Variants in POMGNT2 observed in about 807,000 individuals in gnomAD.
POMGNT2 encodes protein O-linked-mannose beta-1,4-N-acetylglucosaminyltransferase 2.
A neutral mutation model predicts 37.8 loss-of-function variants in POMGNT2; 32 were observed. That is an observed-to-expected ratio of 0.85 (90% CI 0.64 to 1.14). The LOEUF is 1.14. Ranked by LOEUF, POMGNT2 falls within the 50% of genes most tolerant of loss-of-function variation. The pLI, the probability that POMGNT2 is intolerant of heterozygous loss-of-function variation, is 0.00. For synonymous variants in POMGNT2, 340 were observed against 336.8 expected (o/e 1.01, Z -0.10); for missense variants, 705 against 780.6 (o/e 0.90, Z 1.15).
chr3:43,101,214 C>A (rs570577848), intron 1 of POMGNT2, among the ~76,000 whole-genome samples: 1 of 152,300 alleles, frequency 6.6e-6, no homozygotes, highest in South Asian at 2.1e-4. Flanking sequence ...TCTGTCCTGC[C>A]CAGCACAGCT....
At position 43,098,330 on chromosome 3, in the gene POMGNT2, T is replaced by C. The variant is rs762152568; in HGVS notation, c.-106+7506A>G. 1.3e-5 allele frequency among the ~76,000 whole-genome samples: 2 copies of C among 152,236 alleles called. No homozygotes were observed. The highest frequency in any genetic ancestry group is 6.5e-5 in the Admixed American group (1 of 15,282). On this transcript the variant is annotated intron_variant, in intron 1 of 1. Coordinates refer to ENST00000344697, the MANE Select transcript of POMGNT2 (RefSeq NM_032806.6). This position sits in a 1 kb window ranked among gnomAD's most constrained non-coding sequence, Gnocchi z 4.3. Reference sequence around the variant, plus strand: ...AACATGTTTCACTAACTCAAGCTTATCCTCAGAATGATCTCTTTCCCCCTC... The same window carrying C: ...AACATGTTTCACTAACTCAAGCTTACCCTCAGAATGATCTCTTTCCCCCTC...
intron 1 of POMGNT2, among the ~76,000 whole-genome samples, chr3:43,099,650 G>A (rs918120377): frequency 6.6e-6 from 1 of 152,100 alleles, no homozygotes; most frequent in African/African-American, 2.4e-5. Context: ...CAGGAGACCT[G>A]GGTTTCAACA....
At position 43,079,486 on chromosome 3, in the gene POMGNT2, G is replaced by C. The variant is rs931844199; in HGVS notation, c.*203C>G. 7.4e-6 allele frequency: 4 copies of C among 543,612 alleles called. No homozygotes were observed. The highest frequency in any genetic ancestry group is 7.1e-5 in the Admixed American group (2 of 28,276). The allele number at this position is 543,612 out of a possible 1,614,324, so 33.7% of individuals were successfully genotyped here. A position where few individuals can be genotyped will look rare whatever the true frequency, so the allele number is the denominator to read the frequency against. On this transcript the variant is annotated 3_prime_UTR_variant, in exon 2 of 2. Transcript: ENST00000344697. The stretch of plus-strand genomic sequence containing the variant: ...ACTTCTCCAGGGGTACAAATGTTCA[G>C]GATGGGAGAAGGGGAAGTCAGGTCC...
At chr3:43,104,836 G>A (rs955558350) in intron 1 of POMGNT2, among the ~76,000 whole-genome samples, 2 of 152,136 alleles carry the variant, frequency 1.3e-5, no homozygotes, top group African/African-American at 4.8e-5. Flanking sequence ...CTGCAACCCC[G>A]TGATAAAGGC....
intron 1 of POMGNT2, among the ~76,000 whole-genome samples, chr3:43,094,426 A>G (rs2089964988): frequency 6.6e-6 from 1 of 152,230 alleles, no homozygotes; most frequent in Non-Finnish European, 1.5e-5. Context: ...ACCAATTTTC[A>G]CTGCTGTGGG....
intron 1 of POMGNT2, among the ~76,000 whole-genome samples, chr3:43,092,426 T>C (rs2125707960): frequency 6.6e-6 from 1 of 152,148 alleles, no homozygotes. Context: ...GCCTCCCAAA[T>C]AGCTAGGAGT....
Position 43,081,602 on chromosome 3 carries a change from G to A in POMGNT2, c.-105-66C>T, listed in dbSNP as rs1470194799. The A allele has an allele frequency of 9.4e-6, 6 of 639,978 alleles. No homozygotes were observed. The East Asian group carries it at 1.7e-4, about 18-fold the overall frequency. 39.6% of individuals were successfully genotyped at this position (639,978 alleles called of 1,614,324 possible). ...CTTCCTGGCATCATTACAAGCTCCT[G>A]CTATGTGCCAGGCACGGTAGCTAGG... On this transcript the variant is annotated intron_variant, in intron 1 of 1. Transcript: ENST00000344697.
In POMGNT2 at chr3:43,098,543, A is replaced by T. The variant is rs2089995593; in HGVS notation, c.-106+7293T>A. Among the ~76,000 whole-genome samples, 1 of 152,242 alleles carries T rather than the reference A, an allele frequency of 6.6e-6. No individual in the cohort carries two copies. The highest frequency in any genetic ancestry group is 1.5e-5 in the Non-Finnish European group (1 of 68,052). Reference sequence around the variant, plus strand: ...GTCTGAGTGGTTCTTGTAAAACTTAACACATTTAATTATCAAGGCATATTT... The same window carrying T: ...GTCTGAGTGGTTCTTGTAAAACTTATCACATTTAATTATCAAGGCATATTT... On this transcript the variant is annotated intron_variant, in intron 1 of 1. Coordinates refer to ENST00000344697, the MANE Select transcript of POMGNT2 (RefSeq NM_032806.6). This position sits in a 1 kb window ranked among gnomAD's most constrained non-coding sequence, Gnocchi z 4.3.
chr3:43,104,206 G>A (rs1305445136), intron 1 of POMGNT2, among the ~76,000 whole-genome samples: 1 of 152,168 alleles, frequency 6.6e-6, no homozygotes, highest in East Asian at 1.9e-4. Flanking sequence ...GATGACATTT[G>A]CAGGTTCCAC....
chr3:43,090,507 G>A (rs1263079962), intron 1 of POMGNT2: 2 of 152,104 alleles, frequency 1.3e-5, no homozygotes, highest in Admixed American at 6.5e-5. Flanking sequence ...ACCATGGTAT[G>A]GACAGTTCTT....
In POMGNT2 at chr3:43,080,867, C is replaced by T; in HGVS notation, c.565G>A (p.Ala189Thr). 6.2e-7 allele frequency: 1 copy of T among 1,614,126 alleles called. No homozygotes were observed. The highest frequency in any genetic ancestry group is 8.5e-7 in the Non-Finnish European group (1 of 1,180,020). ...CAGCCCTCCATGAAGAAGAGCCGTGCCTCGTGGGCCAGGCCGGGAAACTGC... is the reference window on the plus strand; with the variant it reads ...CAGCCCTCCATGAAGAAGAGCCGTGTCTCGTGGGCCAGGCCGGGAAACTGC... ...LRQFPGLAHE[A>T]RLFFMEGWGE... The change falls in exon 2 of 2, where the codon GCA (alanine) becomes ACA (threonine). Residue 189 changes from alanine to threonine, a missense_variant. Transcript: ENST00000344697.
Position 43,104,674 on chromosome 3 carries a change from C to T in POMGNT2, c.-106+1162G>A, listed in dbSNP as rs557758588. Among the ~76,000 whole-genome samples the T allele has an allele frequency of 3.3e-4, 50 of 152,260 alleles. No individual in the cohort carries two copies. In the South Asian group the frequency reaches 8.9e-3, roughly 27 times the overall value. Reference sequence around the variant, plus strand: ...GAAGATCTGCAAGATTCATGAGAGCCAGAGAGGGCAGCTAGTACCATTAAA... The same window carrying T: ...GAAGATCTGCAAGATTCATGAGAGCTAGAGAGGGCAGCTAGTACCATTAAA... On this transcript the variant is annotated intron_variant, in intron 1 of 1. Transcript: ENST00000344697.
intron 1 of POMGNT2, among the ~76,000 whole-genome samples, chr3:43,093,735 T>C (rs1204292691): frequency 6.6e-6 from 1 of 152,162 alleles, no homozygotes. Flanking sequence ...GGTTCCCCAG[T>C]GGGATTAAGT....
intron 1 of POMGNT2, among the ~76,000 whole-genome samples, chr3:43,084,098 T>C (rs1477963653): frequency 2.6e-5 from 4 of 152,180 alleles, no homozygotes; most frequent in Non-Finnish European, 4.4e-5. Context: ...ACCCTTCGAA[T>C]TGTTTTTCCC....
intron 1 of POMGNT2, among the ~76,000 whole-genome samples, chr3:43,087,298 A>G (rs2089904972): frequency 6.6e-6 from 1 of 152,244 alleles, no homozygotes. Flanking sequence ...TTCATTTGAA[A>G]AAGGGGTTCT....
intron 1 of POMGNT2, among the ~76,000 whole-genome samples, chr3:43,095,670 G>T (rs2089974785): frequency 6.6e-6 from 1 of 152,196 alleles, no homozygotes; most frequent in African/African-American, 2.4e-5. Context: ...TGAGGAGGTT[G>T]AGTGACTTGC....
At chr3:43,083,698 C>T (rs11719573) in intron 1 of POMGNT2, among the ~76,000 whole-genome samples, 25,187 of 152,054 alleles carry the variant, frequency 0.17, 2,079 homozygotes, top group South Asian at 0.22. Flanking sequence ...TATGTGTTTC[C>T]TCTACATATA....
At chr3:43,095,106 AG>A (rs1163370203) in intron 1 of POMGNT2, among the ~76,000 whole-genome samples, 1 of 151,750 alleles carries the variant, frequency 6.6e-6, no homozygotes, top group Non-Finnish European at 1.5e-5. Flanking sequence ...TTCCATCCAG[AG>A]AGAGGCTCAG....
chr3:43,096,242 C>T (rs1263276520), intron 1 of POMGNT2, among the ~76,000 whole-genome samples: 1 of 152,114 alleles, frequency 6.6e-6, no homozygotes, highest in East Asian at 1.9e-4. Flanking sequence ...CCCATCCCAT[C>T]CTGCTACCAA....
Sources: allele counts gnomAD v4.1 joint callset (sites outside exome capture counted in the v4.1 genomes callset), GRCh38; gene constraint gnomAD v4.1.1; non-coding constraint Gnocchi (gnomAD v3.1); transcripts MANE v1.5; gene names NCBI Gene and HGNC (gene_info 2026-07-23, HGNC 2026-07-21).